The following C2CD3 variants were observed in gnomAD, a reference collection of about 807,000 sequenced individuals.
The protein encoded by C2CD3 is C2 domain-containing protein 3.
A neutral mutation model predicts 234.0 loss-of-function variants in C2CD3; 148 were observed. The ratio of observed to expected loss-of-function variants is 0.63; its 90% confidence interval spans 0.55 to 0.72. The LOEUF (loss-of-function observed/expected upper bound fraction) is 0.72, where lower values mean the gene tolerates loss of function less well. Ranked by LOEUF, C2CD3 falls within the 30% of genes least tolerant of loss-of-function variation. The probability of loss-of-function intolerance (pLI) is 0.00; values close to 1 mark genes in which losing one functional copy is unlikely to be tolerated. For missense variants in C2CD3, 2,577 were observed against 2,811.5 expected (o/e 0.92, Z 1.89); for synonymous variants, 1,000 against 1,035.4 (o/e 0.97, Z 0.66).
intron 26 of C2CD3, among the ~76,000 whole-genome samples, chr11:74,053,241 A>G (rs1231196662): frequency 6.6e-6 from 1 of 152,234 alleles, no homozygotes; most frequent in Non-Finnish European, 1.5e-5. Flanking sequence ...TACCGTCAAG[A>G]ATTAGAGATG....
chr11:74,099,850 C>T (rs1402362755), intron 15 of C2CD3, among the ~76,000 whole-genome samples: 4 of 149,828 alleles, frequency 2.7e-5, no homozygotes, highest in Admixed American at 1.3e-4. Context: ...GAGCCGAGAT[C>T]GTGCCACTGC....
chr11:74,137,946 T>G (rs570417675), intron 5 of C2CD3, among the ~76,000 whole-genome samples: 3 of 152,228 alleles, frequency 2.0e-5, no homozygotes, highest in African/African-American at 7.2e-5. Flanking sequence ...AAACAAAATG[T>G]TTTTGTTCTT....
chr11:74,136,695 T>C (rs1957872699), intron 5 of C2CD3, among the ~76,000 whole-genome samples: 1 of 152,198 alleles, frequency 6.6e-6, no homozygotes, highest in Non-Finnish European at 1.5e-5. Flanking sequence ...AGGCTATCTC[T>C]TGCTGCTCCT....
chr11:74,061,314 C>T (rs1954230709), intron 24 of C2CD3, among the ~76,000 whole-genome samples: 1 of 152,166 alleles, frequency 6.6e-6, no homozygotes, highest in Non-Finnish European at 1.5e-5. Context: ...AACTCCAAGA[C>T]ACATAATTGT....
intron 24 of C2CD3, among the ~76,000 whole-genome samples, chr11:74,071,756 T>C (rs757603969): frequency 6.6e-6 from 1 of 152,172 alleles, no homozygotes; most frequent in Non-Finnish European, 1.5e-5. Flanking sequence ...AGCATTTCCT[T>C]TGAGCACCAA....
In C2CD3 at chr11:74,074,088, A is replaced by G. The variant is rs558370132; in HGVS notation, c.4951+165T>C. Among the ~76,000 whole-genome samples, 79 of 152,340 alleles carry G rather than the reference A, an allele frequency of 5.2e-4. 1 individual carries two copies. The highest frequency in any genetic ancestry group is 1.9e-3 in the African/African-American group (77 of 41,576). ...TGGACTGGGGAATTTACGATATGCAACAAGTTCAGAAAAGCTTTCATGTTG... is the reference window on the plus strand; with the variant it reads ...TGGACTGGGGAATTTACGATATGCAGCAAGTTCAGAAAAGCTTTCATGTTG... On this transcript the variant is annotated intron_variant, in intron 24 of 32. Coordinates refer to ENST00000334126, the MANE Select transcript of C2CD3 (RefSeq NM_001286577.2).
chr11:74,016,833 T>C (rs1347948622), intron 32 of C2CD3: 4 of 152,238 alleles, frequency 2.6e-5, no homozygotes, highest in Non-Finnish European at 4.4e-5. Flanking sequence ...CAGCAGAACA[T>C]GGGCTTTGTG....
At chr11:74,071,735 A>G (rs1954800551) in intron 24 of C2CD3, among the ~76,000 whole-genome samples, 1 of 152,212 alleles carries the variant, frequency 6.6e-6, no homozygotes, top group East Asian at 1.9e-4. Context: ...GAAACCTGAT[A>G]TATTCCTATG....
intron 2 of C2CD3, among the ~76,000 whole-genome samples, chr11:74,167,241 T>C (rs868277586): frequency 9.9e-5 from 15 of 152,198 alleles, no homozygotes; most frequent in African/African-American, 3.4e-4. Flanking sequence ...ATACCTTCTC[T>C]CTTATTGAAT....
intron 24 of C2CD3, among the ~76,000 whole-genome samples, chr11:74,059,410 CAAAAAAA>C (rs57052333): frequency 6.7e-5 from 2 of 29,958 alleles, no homozygotes; most frequent in Non-Finnish European, 1.3e-4. Context: ...GACTCTGTCT[CAAAAAAA>C]AAAAAAAAAA....
At chr11:74,154,202 A>G (rs999625579) in intron 3 of C2CD3, among the ~76,000 whole-genome samples, 3 of 152,186 alleles carry the variant, frequency 2.0e-5, no homozygotes, top group African/African-American at 2.4e-5. Context: ...AACATAAACC[A>G]TAAAAGGTAA....
chr11:74,103,436 T>C lies in C2CD3; in HGVS notation c.2275A>G (p.Lys759Glu). Residue 759 changes from lysine to glutamate, a missense_variant, in exon 14 of 33, where the codon AAA (lysine) becomes GAA (glutamate). Coordinates refer to ENST00000334126, the MANE Select transcript of C2CD3 (RefSeq NM_001286577.2). The part of the protein sequence containing the change: ...LNQIHEETAK[K>E]AQNLVLPNRK... ...TTGGGGAGCACCAAGTTCTGTGCTT[T>C]CTTTGCAGTTTCCTCATGAATTTGG... is the stretch of plus-strand genomic sequence containing the variant. The C allele has an allele frequency of 6.2e-7, 1 of 1,614,228 alleles. No homozygotes were observed. Among genetic ancestry groups the C allele is most frequent in the Non-Finnish European group, 8.5e-7 (1 of 1,180,042 alleles).
intron 8 of C2CD3, among the ~76,000 whole-genome samples, chr11:74,120,177 TGCA>T (rs1050521550): frequency 3.9e-4 from 60 of 152,152 alleles, no homozygotes; most frequent in Admixed American, 1.5e-3. Context: ...GTGCACAACG[TGCA>T]GGTTTGTTAC....
intron 2 of C2CD3, among the ~76,000 whole-genome samples, chr11:74,167,335 A>G (rs1284840170): frequency 6.6e-6 from 1 of 152,214 alleles, no homozygotes; most frequent in Non-Finnish European, 1.5e-5. Context: ...AAGATTATTT[A>G]TATCTTTTAA....
chr11:74,147,264 A>G (rs1408774471), intron 3 of C2CD3, among the ~76,000 whole-genome samples: 1 of 151,846 alleles, frequency 6.6e-6, no homozygotes, highest in Non-Finnish European at 1.5e-5. Context: ...AAAAATACAA[A>G]AATTAGCCAG....
At chr11:74,057,644 T>A (rs1362461412) in intron 24 of C2CD3, 100 bp from the exon 25 acceptor site, 1 of 1,232,554 alleles carries the variant, frequency 8.1e-7, no homozygotes, top group Non-Finnish European at 1.2e-6. Context: ...CTTCTTCCTA[T>A]GGGGTCTTTG....
chr11:74,169,440 CT>C (rs111585564), intron 1 of C2CD3, among the ~76,000 whole-genome samples: 138 of 151,970 alleles, frequency 9.1e-4, no homozygotes, highest in Non-Finnish European at 1.6e-3. Flanking sequence ...TTATTTATAC[CT>C]TTTTTTTCCT....
chr11:74,160,288 T>A (rs1314668919), intron 3 of C2CD3, among the ~76,000 whole-genome samples: 1 of 152,182 alleles, frequency 6.6e-6, no homozygotes, highest in South Asian at 2.1e-4. Flanking sequence ...GAGATACCTA[T>A]ACTCTGTTTA....
intron 10 of C2CD3, 145 bp downstream of exon 10, chr11:74,114,239 T>C (rs1956851490): frequency 6.1e-6 from 4 of 659,264 alleles, no homozygotes; most frequent in Middle Eastern, 4.1e-4. Context: ...TCTTGGGATA[T>C]AGCAGGGATT....
Sources: allele counts gnomAD v4.1 joint callset (sites outside exome capture counted in the v4.1 genomes callset), GRCh38; gene constraint gnomAD v4.1.1; transcripts MANE v1.5; gene names NCBI Gene and HGNC (gene_info 2026-07-23, HGNC 2026-07-21).